PDE10A: variants seen among roughly 807,000 people sequenced by gnomAD.
PDE10A encodes cAMP and cAMP-inhibited cGMP 3',5'-cyclic phosphodiesterase 10A.
A neutral mutation model predicts 97.7 loss-of-function variants in PDE10A; 39 were observed. The ratio of observed to expected loss-of-function variants is 0.40; its 90% CI spans 0.31 to 0.52. The LOEUF (loss-of-function observed/expected upper bound fraction) is 0.52. Ranked by LOEUF, PDE10A falls within the 20% of genes least tolerant of loss-of-function variation. The pLI is 0.56. For missense variants in PDE10A, 731 were observed against 1,047.8 expected, an observed-to-expected ratio of 0.70 and a Z score of 4.17; for synonymous variants, 371 against 376.8, an observed-to-expected ratio of 0.98 and a Z score of 0.18.
intron 1 of PDE10A, among the ~76,000 whole-genome samples, chr6:165,825,338 C>T (rs1779706895): frequency 6.6e-6 from 1 of 151,940 alleles, no homozygotes; most frequent in South Asian, 2.1e-4. Context: ...TTCCTCATGG[C>T]AAAGTGGTTT....
chr6:165,796,602 T>C (rs1778840109), intron 1 of PDE10A, among the ~76,000 whole-genome samples: 2 of 152,182 alleles, frequency 1.3e-5, no homozygotes, highest in African/African-American at 4.8e-5. Context: ...CAATAATAAA[T>C]AAAATTTTTT....
intron 1 of PDE10A, among the ~76,000 whole-genome samples, chr6:165,738,841 C>T (rs942099390): frequency 2.0e-5 from 3 of 152,102 alleles, no homozygotes; most frequent in Non-Finnish European, 2.9e-5. Context: ...ATGTCCTTCG[C>T]CCACTACACA....
intron 1 of PDE10A, among the ~76,000 whole-genome samples, chr6:165,817,115 C>T (rs1779440043): frequency 6.6e-6 from 1 of 152,134 alleles, no homozygotes; most frequent in African/African-American, 2.4e-5. Context: ...AACTCAGAGC[C>T]TCCCACGGTG....
chr6:165,650,629 G>A (rs1252866538), intron 1 of PDE10A, among the ~76,000 whole-genome samples: 1 of 152,176 alleles, frequency 6.6e-6, no homozygotes, highest in Non-Finnish European at 1.5e-5. Context: ...CAGGCCATTA[G>A]ATGGTTTCCA....
intron 1 of PDE10A, among the ~76,000 whole-genome samples, chr6:165,579,889 G>A (rs149478661): frequency 6.2e-4 from 94 of 152,142 alleles, no homozygotes; most frequent in Middle Eastern, 3.4e-3. Context: ...CACCTCCTGC[G>A]AGCTATTGTT....
At chr6:165,761,650 G>C (rs1361922605) in intron 1 of PDE10A, among the ~76,000 whole-genome samples, 1 of 152,012 alleles carries the variant, frequency 6.6e-6, no homozygotes, top group East Asian at 1.9e-4. Flanking sequence ...TACAGTTCTA[G>C]TTAAACTCAT....
chr6:165,852,593 T>A (rs1780601553), intron 1 of PDE10A, among the ~76,000 whole-genome samples: 1 of 152,078 alleles, frequency 6.6e-6, no homozygotes, highest in South Asian at 2.1e-4. Context: ...GTGAACAGAG[T>A]CGTAGGACTG....
intron 2 of PDE10A, among the ~76,000 whole-genome samples, chr6:165,517,642 A>G (rs972743600): frequency 6.6e-6 from 1 of 152,224 alleles, no homozygotes; most frequent in South Asian, 2.1e-4. Flanking sequence ...TCGACACTGC[A>G]TGATGTCATT....
chr6:165,846,087 C>G (rs1013986385), intron 1 of PDE10A, among the ~76,000 whole-genome samples: 5 of 152,204 alleles, frequency 3.3e-5, no homozygotes, highest in Non-Finnish European at 7.3e-5. Flanking sequence ...TTTTTGTCAT[C>G]TTTTTGGCAA....
At chr6:165,831,329 G>A (rs185916261) in intron 1 of PDE10A, among the ~76,000 whole-genome samples, 1,875 of 109,024 alleles carry the variant, frequency 0.017, 38 homozygotes, top group South Asian at 0.025. Flanking sequence ...CTGAGGTCGC[G>A]CCACTGCACT....
intron 18 of PDE10A, among the ~76,000 whole-genome samples, chr6:165,348,561 AT>A (rs1782468690): frequency 6.6e-6 from 1 of 152,198 alleles, no homozygotes. Flanking sequence ...TTGAAGGGAA[AT>A]TTCAGTGCAG....
intron 1 of PDE10A, among the ~76,000 whole-genome samples, chr6:165,728,304 A>T (rs1562707112): frequency 1.3e-5 from 2 of 152,172 alleles, no homozygotes; most frequent in African/African-American, 2.4e-5. Context: ...AACCAGAAAC[A>T]TGCAAATCAT....
At chr6:165,650,841 G>T (rs561221830) in intron 1 of PDE10A, among the ~76,000 whole-genome samples, 1 of 151,862 alleles carries the variant, frequency 6.6e-6, no homozygotes, top group East Asian at 1.9e-4. Context: ...GGGTTCAAGC[G>T]ATTCTCCTGC....
At chr6:165,365,701 CAGAGAA>C (rs1197691955) in intron 18 of PDE10A, among the ~76,000 whole-genome samples, 1 of 151,850 alleles carries the variant, frequency 6.6e-6, no homozygotes, top group African/African-American at 2.4e-5. Context: ...GCCTGGGGGA[CAGAGAA>C]AACCCGGTCT....
chr6:165,631,367 T>C (rs915492543), intron 1 of PDE10A, among the ~76,000 whole-genome samples: 17 of 152,198 alleles, frequency 1.1e-4, no homozygotes, highest in African/African-American at 4.1e-4. Flanking sequence ...ATAAACCATT[T>C]TTAAAGAAAA....
At chr6:165,789,580 T>C (rs1023764574) in intron 1 of PDE10A, among the ~76,000 whole-genome samples, 1 of 152,182 alleles carries the variant, frequency 6.6e-6, no homozygotes, top group Non-Finnish European at 1.5e-5. Context: ...AATAATTACA[T>C]AAGAAAACAG....
At chr6:165,404,464 C>T (rs1786946748) in intron 13 of PDE10A, among the ~76,000 whole-genome samples, 1 of 152,002 alleles carries the variant, frequency 6.6e-6, no homozygotes, top group Admixed American at 6.6e-5. Context: ...GAAATCAAGC[C>T]TGAACCATAT....
At chr6:165,657,892 C>T (rs1790045496) in intron 1 of PDE10A, among the ~76,000 whole-genome samples, 1 of 152,194 alleles carries the variant, frequency 6.6e-6, no homozygotes, top group Non-Finnish European at 1.5e-5. Flanking sequence ...CCTGGCTCTG[C>T]CGGAAGAAGT....
chr6:165,404,237 T>C (rs144749093), intron 13 of PDE10A, among the ~76,000 whole-genome samples: 45 of 152,190 alleles, frequency 3.0e-4, no homozygotes, highest in Non-Finnish European at 5.3e-4. Flanking sequence ...TTTCATAGCA[T>C]AGAGCAGTGC....
Sources: gnomAD v4.1 joint callset for allele counts (sites outside exome capture counted in the v4.1 genomes callset) on GRCh38, gnomAD v4.1.1 for gene constraint, MANE v1.5 for transcripts, NCBI Gene and HGNC (gene_info 2026-07-23, HGNC 2026-07-21) for gene names.